The following ELOVL5 variants were observed in gnomAD, a reference collection of about 807,000 sequenced individuals.
ELOVL5 encodes the protein ELOVL fatty acid elongase 5.
A neutral mutation model predicts 38.6 loss-of-function variants in ELOVL5; 8 were observed. The observed-to-expected ratio is 0.21, with a 90% CI of 0.12 to 0.37. The LOEUF (loss-of-function observed/expected upper bound fraction) is 0.37. Ranked by LOEUF, ELOVL5 falls within the 10% of genes least tolerant of loss-of-function variation. The probability of loss-of-function intolerance (pLI) is 1.00; values close to 1 mark genes in which losing one functional copy is unlikely to be tolerated. For synonymous variants in ELOVL5, 127 were observed against 133.7 expected, an observed-to-expected ratio of 0.95 and a Z score of 0.34; for missense variants, 280 against 367.8, an observed-to-expected ratio of 0.76 and a Z score of 1.95.
At chr6:53,328,457 TC>T (rs1768645787) in intron 1 of ELOVL5, among the ~76,000 whole-genome samples, 1 of 152,132 alleles carries the variant, frequency 6.6e-6, no homozygotes, top group Admixed American at 6.5e-5. Context: ...CTATTTACAG[TC>T]CCCAAAGTAG....
At chr6:53,340,170 T>C (rs185280781) in intron 1 of ELOVL5, among the ~76,000 whole-genome samples, 1 of 152,064 alleles carries the variant, frequency 6.6e-6, no homozygotes, top group East Asian at 1.9e-4. Flanking sequence ...GTAAAAAAGT[T>C]TAAAAAATTT....
At chr6:53,295,815 G>GT in intron 1 of ELOVL5, 108 bp from the exon 2 acceptor site, 2 of 646,018 alleles carry the variant, frequency 3.1e-6, no homozygotes, top group Non-Finnish European at 5.0e-6. Context: ...TACAGACAAG[G>GT]TTAAGTTCAG....
At chr6:53,337,829 G>T (rs1439905445) in intron 1 of ELOVL5, among the ~76,000 whole-genome samples, 1 of 152,194 alleles carries the variant, frequency 6.6e-6, no homozygotes, top group Admixed American at 6.5e-5. Flanking sequence ...GGCAATGTGG[G>T]GAAGGGGAAT....
chr6:53,275,809 A>G (rs1581920710), intron 4 of ELOVL5, among the ~76,000 whole-genome samples: 1 of 152,310 alleles, frequency 6.6e-6, no homozygotes, highest in East Asian at 1.9e-4. Context: ...AACAAACCTC[A>G]TGAGTGGAAG....
chr6:53,310,577 T>C (rs192479838), intron 1 of ELOVL5, among the ~76,000 whole-genome samples: 234 of 152,316 alleles, frequency 1.5e-3, no homozygotes, highest in Non-Finnish European at 2.9e-3. Flanking sequence ...TTGTGCTCTT[T>C]ACAATTATCA....
chr6:53,290,732 G>A (rs749618489), intron 3 of ELOVL5, among the ~76,000 whole-genome samples: 6 of 151,950 alleles, frequency 3.9e-5, no homozygotes, highest in Non-Finnish European at 5.9e-5. Context: ...GCCTGCACAC[G>A]CCCACACTCC....
intron 4 of ELOVL5, 30 bp downstream of exon 4, chr6:53,276,145 TATAA>T (rs547457294): frequency 1.4e-6 from 2 of 1,459,276 alleles, no homozygotes; most frequent in Non-Finnish European, 9.6e-7. Context: ...ACTCAACACT[TATAA>T]TAATAAAGTT....
intron 3 of ELOVL5, among the ~76,000 whole-genome samples, chr6:53,287,142 T>C (rs1442184844): frequency 3.3e-5 from 5 of 152,218 alleles, no homozygotes; most frequent in East Asian, 1.9e-4. Flanking sequence ...TTTTTCAAAA[T>C]TACAAATTTT....
At chr6:53,302,964 G>T (rs1420015290) in intron 1 of ELOVL5, among the ~76,000 whole-genome samples, 1 of 152,016 alleles carries the variant, frequency 6.6e-6, no homozygotes, top group Non-Finnish European at 1.5e-5. Flanking sequence ...GTGCTGCAAG[G>T]AATCAGACTG....
chr6:53,289,036 AG>A (rs1294163663), intron 3 of ELOVL5, among the ~76,000 whole-genome samples: 4 of 152,230 alleles, frequency 2.6e-5, no homozygotes, highest in African/African-American at 9.6e-5. Flanking sequence ...CCTGGGCAAC[AG>A]AGTGAGACTC....
At chr6:53,276,099 G>T in intron 4 of ELOVL5, 80 bp downstream of exon 4, 2 of 973,806 alleles carry the variant, frequency 2.1e-6, no homozygotes, top group South Asian at 1.5e-5. Flanking sequence ...GTGAGGTTAT[G>T]GGCCATTTTG....
chr6:53,312,529 A>G (rs1367997828), intron 1 of ELOVL5, among the ~76,000 whole-genome samples: 1 of 152,198 alleles, frequency 6.6e-6, no homozygotes, highest in Non-Finnish European at 1.5e-5. Context: ...TGAAGGCAGG[A>G]TGGAAGAGGA....
At chr6:53,275,950 C>T (rs1178863975) in intron 4 of ELOVL5, among the ~76,000 whole-genome samples, 1 of 152,138 alleles carries the variant, frequency 6.6e-6, no homozygotes, top group Non-Finnish European at 1.5e-5. Context: ...TTTTTCCTGC[C>T]AATTGTTAAC....
intron 3 of ELOVL5, among the ~76,000 whole-genome samples, chr6:53,289,740 G>A (rs1194877804): frequency 6.6e-6 from 1 of 152,122 alleles, no homozygotes; most frequent in Non-Finnish European, 1.5e-5. Flanking sequence ...ACAGAAAAAC[G>A]TGTAGCTAAA....
intron 6 of ELOVL5, among the ~76,000 whole-genome samples, chr6:53,271,738 C>T (rs1561861323): frequency 6.6e-6 from 1 of 152,194 alleles, no homozygotes; most frequent in Non-Finnish European, 1.5e-5. Context: ...GGACTCCAAG[C>T]CATGACCCAC....
At chr6:53,301,952 G>C (rs1202210138) in intron 1 of ELOVL5, among the ~76,000 whole-genome samples, 1 of 152,122 alleles carries the variant, frequency 6.6e-6, no homozygotes, top group Non-Finnish European at 1.5e-5. Context: ...AGGAGCAAGA[G>C]AGTGTGAGGG....
chr6:53,324,935 A>T (rs1198828421), intron 1 of ELOVL5, among the ~76,000 whole-genome samples: 1 of 152,190 alleles, frequency 6.6e-6, no homozygotes, highest in African/African-American at 2.4e-5. Flanking sequence ...ATATTGCATA[A>T]ATAAGTACCC....
At chr6:53,300,926 T>C (rs1028980595) in intron 1 of ELOVL5, among the ~76,000 whole-genome samples, 2 of 152,140 alleles carry the variant, frequency 1.3e-5, no homozygotes, top group African/African-American at 2.4e-5. Flanking sequence ...GCCCTTTTCA[T>C]TCCCATCTTC....
At chr6:53,308,794 T>C (rs1767705772) in intron 1 of ELOVL5, among the ~76,000 whole-genome samples, 1 of 149,192 alleles carries the variant, frequency 6.7e-6, no homozygotes, top group Non-Finnish European at 1.5e-5. Flanking sequence ...AGGATGATGG[T>C]CTCAAGGACA....
Sources: gnomAD v4.1 joint callset for allele counts (sites outside exome capture counted in the v4.1 genomes callset) on GRCh38, gnomAD v4.1.1 for gene constraint, MANE v1.5 for transcripts, NCBI Gene and HGNC (gene_info 2026-07-23, HGNC 2026-07-21) for gene names.